The following RAB3B variants were observed in gnomAD, a reference collection of about 807,000 sequenced individuals.
The protein encoded by RAB3B is RAB3B, member RAS oncogene family.
In RAB3B, 11 loss-of-function variants were observed where a neutral mutation model predicts 20.5. The ratio of observed to expected loss-of-function variants is 0.54; its 90% CI spans 0.34 to 0.89. The LOEUF (loss-of-function observed/expected upper bound fraction) is 0.89. Among genes scored for constraint, RAB3B ranks in the 40% least tolerant of loss-of-function variants. The pLI is 0.02. For synonymous variants in RAB3B, 99 were observed against 106.3 expected (o/e 0.93, Z 0.42); for missense variants, 225 against 280.9 (o/e 0.80, Z 1.42).
At chr1:51,989,103 G>GCGCACAAACACACACACACACA (rs377673682) in intron 1 of RAB3B, among the ~76,000 whole-genome samples, 1 of 132,676 alleles carries the variant, frequency 7.5e-6, no homozygotes, top group Non-Finnish European at 1.6e-5. Context: ...CTGTGCGCGC[G>GCGCACAAACACACACACACACA]CACACACACA....
At chr1:51,923,637 C>T (rs910979909) in intron 4 of RAB3B, among the ~76,000 whole-genome samples, 1 of 151,602 alleles carries the variant, frequency 6.6e-6, no homozygotes. Flanking sequence ...ATTGCTTGAA[C>T]CTGGGAGGCA....
rs577123717 is a variant in RAB3B at position 51,938,677 on chromosome 1, A to ATTT, written c.229-1268_229-1266dup. Reference sequence around the variant, plus strand: ...CTGAGATTTTGATTTTCTTCATGTAATTTTTTTTTTTTTTTTGAGACAGGG... The same window carrying ATTT: ...CTGAGATTTTGATTTTCTTCATGTAATTTTTTTTTTTTTTTTTTTGAGACAGGG... On this transcript the variant is annotated intron_variant, in intron 2 of 4. Coordinates refer to ENST00000371655, the MANE Select transcript of RAB3B (RefSeq NM_002867.4). 1.3e-4 allele frequency among the ~76,000 whole-genome samples: 18 copies of ATTT among 143,468 alleles called. 1 individual carries two copies. The highest frequency in any genetic ancestry group is 2.8e-4 in the African/African-American group (11 of 38,888). The allele number at this position is 143,468 out of a possible 152,430, so 94.1% of individuals were successfully genotyped here.
chr1:51,939,181 C>T (rs978591914), intron 2 of RAB3B, among the ~76,000 whole-genome samples: 12 of 152,192 alleles, frequency 7.9e-5, no homozygotes, highest in African/African-American at 2.7e-4. Flanking sequence ...ACACAGTCCT[C>T]GTGTGAGGGA....
intron 4 of RAB3B, among the ~76,000 whole-genome samples, chr1:51,924,496 A>C (rs1684217136): frequency 6.6e-6 from 1 of 152,188 alleles, no homozygotes; most frequent in Non-Finnish European, 1.5e-5. Context: ...GACAGCATGA[A>C]TAGAGCACAG....
intron 1 of RAB3B, among the ~76,000 whole-genome samples, chr1:51,986,979 G>A (rs1273430732): frequency 6.6e-6 from 1 of 152,216 alleles, no homozygotes; most frequent in African/African-American, 2.4e-5. Flanking sequence ...CCTCTATTTT[G>A]TGACAGTCAC....
intron 1 of RAB3B, chr1:51,980,945 C>T (rs1196407171): frequency 2.9e-6 from 1 of 345,236 alleles, no homozygotes. Flanking sequence ...AAAGGTAATA[C>T]ATACTTACGG....
rs74506096 is a variant in RAB3B, at chr1:51,934,255, C to T, written c.348-813G>A. Among the ~76,000 whole-genome samples the T allele has an allele frequency of 1.1e-4, 16 of 152,256 alleles. No individual in the cohort carries two copies. In the East Asian group the frequency reaches 2.9e-3, roughly 28 times the overall value. On this transcript the variant is annotated intron_variant, in intron 3 of 4. Coordinates refer to ENST00000371655, the MANE Select transcript of RAB3B (RefSeq NM_002867.4). ...CTTCCATGGCTTGTGCTTTTGCCTA[C>T]ACTGGGAAGTCCTTCCCCACAACTA... is the stretch of plus-strand genomic sequence containing the variant.
At chr1:51,985,498 A>G (rs968300378) in intron 1 of RAB3B, among the ~76,000 whole-genome samples, 4 of 152,152 alleles carry the variant, frequency 2.6e-5, no homozygotes, top group Non-Finnish European at 5.9e-5. Context: ...CTAGAATTAG[A>G]GGGGACTTTG....
At chr1:51,926,294 T>C (rs1320529609) in intron 4 of RAB3B, among the ~76,000 whole-genome samples, 5 of 152,222 alleles carry the variant, frequency 3.3e-5, no homozygotes, top group African/African-American at 1.2e-4. Context: ...CCAGAGTCCA[T>C]GATGTGTTCA....
At chr1:51,953,944 G>C (rs1321927418) in intron 2 of RAB3B, among the ~76,000 whole-genome samples, 1 of 152,176 alleles carries the variant, frequency 6.6e-6, no homozygotes, top group African/African-American at 2.4e-5. Flanking sequence ...ATAACATTCA[G>C]TGTTCACAAA....
intron 3 of RAB3B, among the ~76,000 whole-genome samples, chr1:51,936,303 A>G (rs1455897774): frequency 6.6e-6 from 1 of 152,182 alleles, no homozygotes; most frequent in Non-Finnish European, 1.5e-5. Flanking sequence ...GAAGAAAGCT[A>G]TAAGTTGCTC....
chr1:51,920,013 CCAGCGAAT>C lies in RAB3B; in HGVS notation c.566_573del (p.Asp189GlyfsTer89). 6.2e-7 allele frequency: 1 copy of C among 1,614,146 alleles called. No individual in the cohort carries two copies. The highest frequency in any genetic ancestry group is 2.2e-5 in the East Asian group (1 of 44,888). On this transcript the variant is annotated frameshift_variant, in exon 5 of 5. Transcript: ENST00000371655. LOFTEE classifies it high-confidence loss of function. ...GAGCCCAGCATCGACGGGTCTGTGT[CCAGCGAAT>C]CAGACATCTTGTCACAAATGGCATC...
At chr1:51,988,544 T>C (rs1685178629) in intron 1 of RAB3B, among the ~76,000 whole-genome samples, 1 of 152,230 alleles carries the variant, frequency 6.6e-6, no homozygotes, top group Admixed American at 6.5e-5. Context: ...ATAACATCAG[T>C]GGCCTCTCTC....
intron 4 of RAB3B, among the ~76,000 whole-genome samples, chr1:51,925,988 G>C (rs1684238544): frequency 6.6e-6 from 1 of 152,198 alleles, no homozygotes; most frequent in South Asian, 2.1e-4. Flanking sequence ...CTGAGGCAGG[G>C]GGAAAATACC....
At chr1:51,988,908 A>G (rs534368408) in intron 1 of RAB3B, among the ~76,000 whole-genome samples, 57 of 152,038 alleles carry the variant, frequency 3.7e-4, no homozygotes, top group African/African-American at 1.0e-3. Flanking sequence ...ATAGGAACAC[A>G]CTTTCCTCCA....
intron 4 of RAB3B, among the ~76,000 whole-genome samples, chr1:51,923,714 CAA>C (rs56771506): frequency 2.3e-4 from 17 of 74,436 alleles, no homozygotes; most frequent in South Asian, 3.9e-4. Flanking sequence ...GACTCTGTCT[CAA>C]AAAAAAAAAA....
intron 2 of RAB3B, among the ~76,000 whole-genome samples, chr1:51,970,967 T>G (rs1217504646): frequency 7.4e-6 from 1 of 135,708 alleles, no homozygotes; most frequent in Non-Finnish European, 1.5e-5. Flanking sequence ...GCTGAGATCG[T>G]GCCACTGCAC....
At chr1:51,987,025 C>G (rs1685161038) in intron 1 of RAB3B, among the ~76,000 whole-genome samples, 1 of 152,210 alleles carries the variant, frequency 6.6e-6, no homozygotes, top group Non-Finnish European at 1.5e-5. Context: ...ACAAGCAATA[C>G]AGATGAAGGC....
chr1:51,971,557 T>C (rs1684935559), intron 2 of RAB3B, among the ~76,000 whole-genome samples: 1 of 151,740 alleles, frequency 6.6e-6, no homozygotes, highest in Admixed American at 6.6e-5. Context: ...ATCACCCTCC[T>C]GAGTATCTGG....
Sources: gnomAD v4.1 joint callset for allele counts (sites outside exome capture counted in the v4.1 genomes callset) on GRCh38, gnomAD v4.1.1 for gene constraint, MANE v1.5 for transcripts, NCBI Gene and HGNC (gene_info 2026-07-23, HGNC 2026-07-21) for gene names.